The following L3MBTL1 variants were observed in gnomAD, a reference collection of about 807,000 sequenced individuals.
L3MBTL1 encodes L3MBTL histone methyl-lysine binding protein 1.
A neutral mutation model predicts 105.3 loss-of-function variants in L3MBTL1; 75 were observed. That is an observed-to-expected ratio of 0.71 (90% CI 0.59 to 0.86). The LOEUF (loss-of-function observed/expected upper bound fraction) is 0.86, where lower values mean the gene tolerates loss of function less well. Among genes scored for constraint, L3MBTL1 ranks in the 40% least tolerant of loss-of-function variants. The pLI is 0.00. For synonymous variants in L3MBTL1, 452 were observed against 436.2 expected (o/e 1.04, Z -0.45); for missense variants, 1,069 against 1,126.4 (o/e 0.95, Z 0.73).
chr20:43,514,580 G>A lies in L3MBTL1; in HGVS notation c.361-55G>A, dbSNP rs542070057. ...GAGAGGGCCATGGCACCGACTCCGA[G>A]ATGGGTCAAGGACCCGTACGGGAGT... On this transcript the variant is annotated intron_variant, in intron 3 of 21. Transcript: ENST00000418998. 3.8e-6 allele frequency: 6 copies of A among 1,598,362 alleles called. No individual in the cohort carries two copies. In the East Asian group the frequency reaches 1.4e-4, roughly 36 times the overall value.
At chr20:43,527,001 T>G (rs957093798) in intron 7 of L3MBTL1, among the ~76,000 whole-genome samples, 1 of 151,944 alleles carries the variant, frequency 6.6e-6, no homozygotes, top group Non-Finnish European at 1.5e-5. Flanking sequence ...AGGTCCCAAC[T>G]AAAGCAAAAA....
chr20:43,534,123 G>A (rs1163180216), intron 14 of L3MBTL1, 30 bp downstream of exon 14: 9 of 1,596,420 alleles, frequency 5.6e-6, no homozygotes, highest in Non-Finnish European at 7.7e-6. Context: ...CCCCAGAGCT[G>A]AGCTCAGAAA....
intron 7 of L3MBTL1, among the ~76,000 whole-genome samples, chr20:43,527,147 C>T (rs2145435328): frequency 6.6e-6 from 1 of 152,308 alleles, no homozygotes; most frequent in East Asian, 1.9e-4. Context: ...AGAAGTCCAG[C>T]ACTCTGTATT....
At chr20:43,508,692 G>A (rs1477754300) in intron 1 of L3MBTL1, among the ~76,000 whole-genome samples, 1 of 152,356 alleles carries the variant, frequency 6.6e-6, no homozygotes, top group Non-Finnish European at 1.5e-5. Flanking sequence ...CGGGTCCCCC[G>A]AAACAGACTC....
intron 7 of L3MBTL1, among the ~76,000 whole-genome samples, chr20:43,519,354 AG>A (rs1343281823): frequency 6.9e-6 from 1 of 144,158 alleles, no homozygotes; most frequent in Admixed American, 6.8e-5. Context: ...AAAAAAAAAA[AG>A]GCTGGGTGCA....
chr20:43,529,269 G>A lies in L3MBTL1; in HGVS notation c.957G>A (p.Gln319=). 1 of 1,609,802 alleles carries A rather than the reference G, an allele frequency of 6.2e-7. No homozygotes were observed. Among genetic ancestry groups the A allele is most frequent in the Non-Finnish European group, 8.5e-7 (1 of 1,177,798 alleles). The change falls in exon 9 of 22, where the codon CAG becomes CAA. Residue 319 remains glutamine, a synonymous_variant. Transcript: ENST00000418998. ...TAPVSLFQDS[Q]AVTHNKNGFK... is the part of the protein sequence containing the mutation. ...TCCACTCTGTGCGTTGACAGTCCCA[G>A]GCAGTCACTCACAACAAGAATGGCT...
chr20:43,533,312 T>C (rs1403161387), intron 12 of L3MBTL1, 30 bp from the exon 13 acceptor site: 15 of 1,607,668 alleles, frequency 9.3e-6, no homozygotes, highest in Non-Finnish European at 1.3e-5. Context: ...CAAGTTTCTC[T>C]TGGGACAGTG....
intron 7 of L3MBTL1, among the ~76,000 whole-genome samples, chr20:43,519,197 C>T (rs1415220994): frequency 6.6e-6 from 1 of 151,356 alleles, no homozygotes; most frequent in Non-Finnish European, 1.5e-5. Context: ...ATTAGCTGGG[C>T]ATGGTGTTGA....
intron 19 of L3MBTL1, among the ~76,000 whole-genome samples, chr20:43,537,604 A>G (rs549795583): frequency 6.6e-6 from 1 of 152,342 alleles, no homozygotes; most frequent in African/African-American, 2.4e-5. Context: ...AGCCCATAAC[A>G]TACTTCAGCG....
At chr20:43,526,693 T>A (rs966444062) in intron 7 of L3MBTL1, among the ~76,000 whole-genome samples, 2 of 152,090 alleles carry the variant, frequency 1.3e-5, no homozygotes, top group Non-Finnish European at 2.9e-5. Flanking sequence ...AGTGCGGTGG[T>A]TCATGCCTGT....
intron 7 of L3MBTL1, among the ~76,000 whole-genome samples, chr20:43,527,789 G>A (rs1049538406): frequency 4.6e-5 from 7 of 151,550 alleles, no homozygotes; most frequent in Admixed American, 1.3e-4. Context: ...GCATGTTCTC[G>A]GCTCACTGCA....
chr20:43,542,611 C>CAAAAAAAAAAAAA (rs5841503), downstream of L3MBTL1, among the ~76,000 whole-genome samples: 10 of 112,646 alleles, frequency 8.9e-5, no homozygotes, highest in Non-Finnish European at 1.3e-4. Flanking sequence ...AAAAATTTAA[C>CAAAAAAAAAAAAA]AAAAAAAAAA....
chr20:43,510,655 G>A (rs1187084638), intron 1 of L3MBTL1, among the ~76,000 whole-genome samples: 4 of 151,690 alleles, frequency 2.6e-5, no homozygotes, highest in African/African-American at 9.7e-5. Flanking sequence ...GACCTCAGGT[G>A]ATCTACCCAC....
At chr20:43,528,599 A>C in intron 7 of L3MBTL1, 58 bp from the exon 8 acceptor site, 1 of 1,357,530 alleles carries the variant, frequency 7.4e-7, no homozygotes, top group Non-Finnish European at 1.1e-6. Context: ...GGGGAAGCCG[A>C]AGAAAGTCAT....
At chr20:43,513,403 C>G (rs1052192008) in intron 1 of L3MBTL1, 73 bp from the exon 2 acceptor site, 33 of 1,426,366 alleles carry the variant, frequency 2.3e-5, no homozygotes, top group Non-Finnish European at 2.3e-5. Context: ...GAAGCCCCAT[C>G]CCTTCACATC....
In L3MBTL1 at chr20:43,537,050, G is replaced by A. The variant is rs555845508; in HGVS notation, c.2173+592G>A. ...GAGAGGAGGAATGTGAGTCTCAGAG[G>A]GTGATGTCACTTGCCCAAGGTCATT... On this transcript the variant is annotated intron_variant, in intron 19 of 21. Coordinates refer to ENST00000418998, the MANE Select transcript of L3MBTL1 (RefSeq NM_001377303.1). Among the ~76,000 whole-genome samples the A allele has an allele frequency of 6.6e-5, 10 of 152,308 alleles. No homozygotes were observed. In the South Asian group the frequency reaches 1.7e-3, roughly 25 times the overall value.
chr20:43,536,311 A>G lies in L3MBTL1; in HGVS notation c.2123+17A>G. On this transcript the variant is annotated intron_variant, in intron 18 of 21. Transcript: ENST00000418998. ...TCACGGCCGGTATGGAGGCCAGGGA[A>G]TCAGGGCCCGGGCTTCCTGGGGGTG... The G allele has an allele frequency of 6.2e-6, 10 of 1,612,248 alleles. No homozygotes were observed. Among genetic ancestry groups the G allele is most frequent in the Non-Finnish European group, 8.5e-6 (10 of 1,179,062 alleles).
At chr20:43,547,683 G>A (rs6103378) in intron 18 of L3MBTL1, among the ~76,000 whole-genome samples, 26,612 of 152,118 alleles carry the variant, frequency 0.17, 2,503 homozygotes, top group East Asian at 0.36. Context: ...AATGCACACA[G>A]TGTCTGCTTG....
intron 19 of L3MBTL1, chr20:43,539,922 G>A (rs150713843): frequency 1.5e-5 from 9 of 617,400 alleles, no homozygotes; most frequent in East Asian, 2.9e-5. Context: ...GGGTCATTCC[G>A]AATAGCTGAC....
Sources: allele counts gnomAD v4.1 joint callset (sites outside exome capture counted in the v4.1 genomes callset), GRCh38; gene constraint gnomAD v4.1.1; transcripts MANE v1.5; gene names NCBI Gene and HGNC (gene_info 2026-07-23, HGNC 2026-07-21).